CCT6A: variants seen among roughly 807,000 people sequenced by gnomAD.
CCT6A encodes T-complex protein 1 subunit zeta.
Under a neutral mutation model 58.6 loss-of-function variants are expected in CCT6A, and 6 were observed. The ratio of observed to expected loss-of-function variants is 0.10; its 90% CI spans 0.06 to 0.20. The LOEUF (loss-of-function observed/expected upper bound fraction) is 0.20, where lower values mean the gene tolerates loss of function less well. CCT6A is among the 10% of genes least tolerant of loss of function. The pLI is 1.00. For missense variants in CCT6A, 516 were observed against 648.8 expected, an observed-to-expected ratio of 0.80 and a Z score of 2.22; for synonymous variants, 245 against 227.8, an observed-to-expected ratio of 1.08 and a Z score of -0.68.
Position 56,056,376 on chromosome 7 carries a change from G to A in CCT6A, c.576G>A (p.Glu192=). ...QDEPIDLFMI[E]IMEMKHKSET... ...AACCTATTGATCTCTTCATGATTGA[G>A]ATCATGGAGATGAAACATAAATCTG... The change falls in exon 5 of 14, where the codon GAG becomes GAA. Residue 192 remains glutamate, a synonymous_variant. Coordinates refer to ENST00000275603, the MANE Select transcript of CCT6A (RefSeq NM_001762.4). 6.3e-7 allele frequency: 1 copy of A among 1,589,166 alleles called. No homozygotes were observed. Among genetic ancestry groups the A allele is most frequent in the Non-Finnish European group, 8.6e-7 (1 of 1,157,288 alleles).
chr7:56,053,063 G>A (rs1239415895), intron 2 of CCT6A, among the ~76,000 whole-genome samples: 1 of 152,116 alleles, frequency 6.6e-6, no homozygotes, highest in Non-Finnish European at 1.5e-5. Context: ...CAAAGTGCTG[G>A]GATTACCAGG....
At chr7:56,053,711 T>C (rs557192672) in intron 2 of CCT6A, among the ~76,000 whole-genome samples, 69 of 152,232 alleles carry the variant, frequency 4.5e-4, no homozygotes, top group African/African-American at 1.6e-3. Context: ...TGAGCCAAGA[T>C]TGTGCCACTG....
chr7:56,056,394 T>G lies in CCT6A; in HGVS notation c.594T>G (p.His198Gln). The change falls in exon 5 of 14, where the codon CAT becomes CAG. Residue 198 changes from histidine (H) to glutamine (Q), a missense_variant. His to Gln is a conservative substitution (Grantham distance 24, BLOSUM62 0). Around this residue, in one of 3 missense-constraint regions of CCT6A, gnomAD observed 85 missense variants for 74.9 expected, o/e 1.13. Transcript: ENST00000275603. The stretch of plus-strand genomic sequence containing the variant: ...TGATTGAGATCATGGAGATGAAACA[T>G]AAATCTGAAACTGATACAAGGTAGG... ...LFMIEIMEMK[H>Q]KSETDTSLIR... The G allele has an allele frequency of 6.4e-7, 1 of 1,559,046 alleles. No individual in the cohort carries two copies. The highest frequency in any genetic ancestry group is 8.9e-7 in the Non-Finnish European group (1 of 1,129,900).
At chr7:56,053,371 C>A (rs1444950698) in intron 2 of CCT6A, among the ~76,000 whole-genome samples, 1 of 152,122 alleles carries the variant, frequency 6.6e-6, no homozygotes, top group Non-Finnish European at 1.5e-5. Flanking sequence ...TAAGGACTTG[C>A]TAACCTAGGA....
intron 11 of CCT6A, 152 bp downstream of exon 11, chr7:56,061,092 T>C (rs1345574202): frequency 1.2e-6 from 1 of 802,842 alleles, no homozygotes; most frequent in South Asian, 2.1e-5. Context: ...ATCATCCAGA[T>C]ATATTTGGTT....
chr7:56,056,501 T>C, intron 5 of CCT6A, 87 bp downstream of exon 5: 1 of 736,372 alleles, frequency 1.4e-6, no homozygotes, highest in Non-Finnish European at 2.5e-6. Flanking sequence ...GGTGGGCAAA[T>C]CACCTCAGGT....
rs569282446 is a variant in CCT6A, at chr7:56,062,390, T to C, written c.1451-293T>C. ...GAAAAGGTTTCTGGAATGAGGGAAA[T>C]GATCAGTCCATTTTAGTCAGATTAT... On this transcript the variant is annotated intron_variant, in intron 12 of 13. Transcript: ENST00000275603. Among the ~76,000 whole-genome samples the C allele has an allele frequency of 4.6e-5, 7 of 152,318 alleles. 1 individual carries two copies. The highest frequency in any genetic ancestry group is 1.7e-4 in the African/African-American group (7 of 41,582).
intron 5 of CCT6A, 106 bp from the exon 6 acceptor site, chr7:56,057,887 G>C: frequency 1.4e-6 from 1 of 696,172 alleles, no homozygotes; most frequent in South Asian, 1.7e-5. Flanking sequence ...TCTCAAAAAA[G>C]AAAAATGTGA....
intron 2 of CCT6A, among the ~76,000 whole-genome samples, chr7:56,053,730 T>G (rs1215510410): frequency 8.5e-5 from 13 of 152,110 alleles, no homozygotes; most frequent in Non-Finnish European, 1.9e-4. Flanking sequence ...TGCATTCCAG[T>G]GTAGGAGACA....
chr7:56,053,950 C>T (rs2117334265), intron 2 of CCT6A, among the ~76,000 whole-genome samples: 1 of 152,330 alleles, frequency 6.6e-6, no homozygotes, highest in East Asian at 1.9e-4. Context: ...CTCCAGAAGT[C>T]TGTTTTTCAG....
chr7:56,057,581 C>G (rs1228105359), intron 5 of CCT6A, among the ~76,000 whole-genome samples: 1 of 152,248 alleles, frequency 6.6e-6, no homozygotes, highest in East Asian at 1.9e-4. Flanking sequence ...GTAGGATCTT[C>G]AGGTAATTTA....
chr7:56,052,631 C>G, intron 2 of CCT6A, 146 bp downstream of exon 2: 1 of 677,368 alleles, frequency 1.5e-6, no homozygotes, highest in Non-Finnish European at 2.6e-6. Context: ...TGCCTGGAGT[C>G]TGACAGCCCT....
intron 12 of CCT6A, chr7:56,062,081 TG>T: frequency 2.6e-6 from 1 of 380,678 alleles, no homozygotes; most frequent in Non-Finnish European, 4.7e-6. Flanking sequence ...TGTTGAGTGG[TG>T]GTAGATGGTT....
rs150276830 is a variant in CCT6A at position 56,060,812 on chromosome 7, G to T, written c.1219G>T (p.Val407Leu). The T allele has an allele frequency of 6.2e-7, 1 of 1,609,634 alleles. No individual in the cohort carries two copies. Among genetic ancestry groups the T allele is most frequent in the African/African-American group, 1.3e-5 (1 of 74,678 alleles). ...CCTTTTCCCCCATCCAACAGGCTGT[G>T]TGGTTCCAGGTGCTGGTGCCGTGGA... The part of the protein sequence containing the change: ...AVKNAIDDGC[V>L]VPGAGAVEVA... The change falls in exon 11 of 14, where the codon GTG (valine) becomes TTG (leucine). Residue 407 changes from valine to leucine, a missense_variant. Physicochemically the swap from Val to Leu is conservative, Grantham distance 32. Around this residue, in one of 3 missense-constraint regions of CCT6A, gnomAD observed 315 missense variants for 389.4 expected, o/e 0.81. Coordinates refer to ENST00000275603, the MANE Select transcript of CCT6A (RefSeq NM_001762.4).
rs1454719171 is a variant in CCT6A at position 56,054,385 on chromosome 7, C to T, written c.218C>T (p.Thr73Ile). Reference protein sequence around the residue: ...LLHEMQIQHPTASLIAKVATA... With the variant: ...LLHEMQIQHPIASLIAKVATA... ...TACTTACAGCAAATTCAACACCCAA[C>T]AGCTTCCTTAATAGCAAAGGTAGCA... The change falls in exon 3 of 14, where the codon ACA (threonine) becomes ATA (isoleucine). Residue 73 changes from threonine (T) to isoleucine (I), a missense_variant. Around this residue, in one of 3 missense-constraint regions of CCT6A, gnomAD observed 116 missense variants for 184.5 expected, o/e 0.63. Coordinates refer to ENST00000275603, the MANE Select transcript of CCT6A (RefSeq NM_001762.4). 2.5e-6 allele frequency: 4 copies of T among 1,606,608 alleles called. No homozygotes were observed. Among genetic ancestry groups the T allele is most frequent in the Admixed American group, 1.7e-5 (1 of 59,942 alleles).
In CCT6A at chr7:56,060,947, A is replaced by G. The variant is rs1244613464; in HGVS notation, c.1347+7A>G. The G allele has an allele frequency of 4.4e-6, 7 of 1,601,478 alleles. No homozygotes were observed. The highest frequency in any genetic ancestry group is 6.0e-6 in the Non-Finnish European group (7 of 1,176,040). ...ATTGCTCATTATTCCCAAGGTGTGC[A>G]TGCTTTTAACAGTCAATCTTCCAAA... On this transcript the variant is annotated splice_region_variant and intron_variant, in intron 11 of 13. Transcript: ENST00000275603.
At chr7:56,052,015 C>T (rs1005128371) in intron 1 of CCT6A, 30 bp downstream of exon 1, 33 of 1,396,250 alleles carry the variant, frequency 2.4e-5, no homozygotes, top group Middle Eastern at 2.0e-4. Context: ...GAGGGCCGGG[C>T]GGGCACCGCG....
chr7:56,057,772 T>C (rs977293296), intron 5 of CCT6A, among the ~76,000 whole-genome samples: 5 of 152,108 alleles, frequency 3.3e-5, no homozygotes, highest in African/African-American at 9.7e-5. Flanking sequence ...TCCCAGCTGC[T>C]TGAGAGGCTG....
chr7:56,059,801 G>A (rs1325452985), intron 9 of CCT6A, 161 bp downstream of exon 9: 2 of 553,670 alleles, frequency 3.6e-6, no homozygotes, highest in East Asian at 3.0e-5. Flanking sequence ...TGATCCTCCC[G>A]CCTCAGGCTT....
Sources: gnomAD v4.1 joint callset for allele counts (sites outside exome capture counted in the v4.1 genomes callset) on GRCh38, gnomAD v4.1.1 for gene constraint, gnomAD v4.1.1 regional missense constraint, MANE v1.5 for transcripts, NCBI Gene and HGNC (gene_info 2026-07-23, HGNC 2026-07-21) for gene names.